The following DNAI4 variants were observed in gnomAD, a reference collection of about 807,000 sequenced individuals.
DNAI4 encodes WD repeat domain 78.
DNAI4 carries 85 observed loss-of-function variants against 105.8 expected under a neutral mutation model. The observed-to-expected ratio is 0.80, with a 90% CI of 0.67 to 0.96. The LOEUF is 0.96. Ranked by LOEUF, DNAI4 falls within the 40% of genes least tolerant of loss-of-function variation. DNAI4 has a pLI of 0.00. For missense variants in DNAI4, 1,014 were observed against 1,005.6 expected (o/e 1.01, Z -0.11); for synonymous variants, 352 against 331.5 (o/e 1.06, Z -0.67).
intron 4 of DNAI4, among the ~76,000 whole-genome samples, chr1:66,887,394 G>T (rs935073136): frequency 1.3e-5 from 2 of 152,118 alleles, no homozygotes; most frequent in Non-Finnish European, 2.9e-5. Flanking sequence ...TATAAGACAG[G>T]AGTAATGACT....
At chr1:66,817,657 C>G (rs889195357) in intron 16 of DNAI4, among the ~76,000 whole-genome samples, 3 of 151,732 alleles carry the variant, frequency 2.0e-5, no homozygotes, top group African/African-American at 7.3e-5. Flanking sequence ...AATCCTACTG[C>G]ATAGGAAAAC....
At chr1:66,853,991 C>T (rs1646448557) in intron 7 of DNAI4, among the ~76,000 whole-genome samples, 1 of 152,158 alleles carries the variant, frequency 6.6e-6, no homozygotes, top group Admixed American at 6.5e-5. Context: ...CAAAAATACT[C>T]TTAGAACTGA....
At chr1:66,846,875 C>A (rs535386318) in intron 8 of DNAI4, among the ~76,000 whole-genome samples, 22 of 152,230 alleles carry the variant, frequency 1.4e-4, no homozygotes, top group Admixed American at 6.5e-4. Flanking sequence ...TTAAGATAAT[C>A]TCTAAAATCC....
intron 16 of DNAI4, among the ~76,000 whole-genome samples, chr1:66,817,393 C>A (rs988195270): frequency 3.9e-5 from 6 of 151,968 alleles, no homozygotes; most frequent in African/African-American, 1.5e-4. Flanking sequence ...GATAACACGG[C>A]AAAACCCCAT....
chr1:66,835,496 T>G, intron 11 of DNAI4, 130 bp downstream of exon 11: 1 of 957,504 alleles, frequency 1.0e-6, no homozygotes, highest in Non-Finnish European at 1.5e-6. Context: ...TGAGGGATTA[T>G]GAAATGTTTC....
intron 1 of DNAI4, among the ~76,000 whole-genome samples, chr1:66,914,041 G>A (rs980349605): frequency 5.4e-5 from 8 of 149,268 alleles, no homozygotes; most frequent in African/African-American, 2.0e-4. Context: ...GTGGAGTCCT[G>A]TCCACAAACG....
chr1:66,870,576 ACCC>A (rs1646822029), intron 6 of DNAI4, among the ~76,000 whole-genome samples: 1 of 149,910 alleles, frequency 6.7e-6, no homozygotes, highest in South Asian at 2.1e-4. Context: ...CATGGTGAAA[ACCC>A]ATCTCTATAA....
At chr1:66,843,569 G>A (rs909145348) in intron 8 of DNAI4, among the ~76,000 whole-genome samples, 2 of 152,088 alleles carry the variant, frequency 1.3e-5, no homozygotes, top group African/African-American at 4.8e-5. Context: ...GTCTCTCAAT[G>A]GATCATGCAT....
At chr1:66,825,552 CAAG>C (rs1014237187) in intron 15 of DNAI4, among the ~76,000 whole-genome samples, 2 of 152,216 alleles carry the variant, frequency 1.3e-5, no homozygotes, top group African/African-American at 2.4e-5. Context: ...ACATTTTGAA[CAAG>C]AAGTTTTCCT....
intron 5 of DNAI4, among the ~76,000 whole-genome samples, chr1:66,873,572 C>A (rs1646895028): frequency 6.6e-6 from 1 of 152,168 alleles, no homozygotes; most frequent in Non-Finnish European, 1.5e-5. Context: ...ATCTTAAGAG[C>A]CAAAATGGTG....
At chr1:66,831,318 G>A (rs1572606773) in intron 13 of DNAI4, among the ~76,000 whole-genome samples, 1 of 152,080 alleles carries the variant, frequency 6.6e-6, no homozygotes, top group African/African-American at 2.4e-5. Context: ...TACCCTGATA[G>A]TAAAGTCAAA....
At chr1:66,831,407 A>C (rs1446722987) in intron 13 of DNAI4, among the ~76,000 whole-genome samples, 1 of 152,084 alleles carries the variant, frequency 6.6e-6, no homozygotes, top group East Asian at 1.9e-4. Context: ...CAGTATATCA[A>C]ATGTATTCGT....
intron 8 of DNAI4, among the ~76,000 whole-genome samples, chr1:66,844,741 A>G (rs1290959415): frequency 6.6e-6 from 1 of 152,180 alleles, no homozygotes; most frequent in Non-Finnish European, 1.5e-5. Context: ...AAAAATTGGC[A>G]GATTAGATTT....
intron 14 of DNAI4, among the ~76,000 whole-genome samples, chr1:66,827,298 G>C (rs1263250250): frequency 2.6e-5 from 4 of 151,788 alleles, no homozygotes; most frequent in Non-Finnish European, 4.4e-5. Context: ...AAAATAAAGA[G>C]TATTAAGAAA....
chr1:66,864,563 C>G (rs1434107789), intron 6 of DNAI4, among the ~76,000 whole-genome samples: 2 of 152,164 alleles, frequency 1.3e-5, no homozygotes, highest in African/African-American at 2.4e-5. Flanking sequence ...TTTAAAAGAG[C>G]AAGGTAGGCC....
chr1:66,844,182 C>A (rs993704050), intron 8 of DNAI4, among the ~76,000 whole-genome samples: 1 of 150,514 alleles, frequency 6.6e-6, no homozygotes, highest in Non-Finnish European at 1.5e-5. Flanking sequence ...TGTTAACGTG[C>A]TTCACTATAA....
At chr1:66,830,723 G>C (rs923241056) in intron 13 of DNAI4, among the ~76,000 whole-genome samples, 1 of 151,644 alleles carries the variant, frequency 6.6e-6, no homozygotes, top group African/African-American at 2.4e-5. Flanking sequence ...GGAGGTTGCA[G>C]TGAGCCAAGA....
intron 7 of DNAI4, among the ~76,000 whole-genome samples, chr1:66,858,543 AAAAAAAAT>A (rs1417089982): frequency 6.6e-6 from 1 of 150,938 alleles, no homozygotes; most frequent in African/African-American, 2.5e-5. Flanking sequence ...AAAAAAAAAA[AAAAAAAAT>A]GCAAAAATCC....
chr1:66,820,199 T>G (rs1220194331), intron 16 of DNAI4, among the ~76,000 whole-genome samples: 1 of 152,118 alleles, frequency 6.6e-6, no homozygotes, highest in Non-Finnish European at 1.5e-5. Context: ...TAGGATTACA[T>G]TCCTCAGAGT....
Sources: gnomAD v4.1 joint callset for allele counts (sites outside exome capture counted in the v4.1 genomes callset) on GRCh38, gnomAD v4.1.1 for gene constraint, MANE v1.5 for transcripts, NCBI Gene and HGNC (gene_info 2026-07-23, HGNC 2026-07-21) for gene names.